The following AGAP1 variants were observed in gnomAD, a reference collection of about 807,000 sequenced individuals.
AGAP1 encodes ArfGAP with GTPase domain, ankyrin repeat and PH domain 1.
In AGAP1, 29 loss-of-function variants were observed where a neutral mutation model predicts 105.3. That is an observed-to-expected ratio of 0.28 (90% CI 0.21 to 0.38). The LOEUF is 0.38. Among genes scored for constraint, AGAP1 ranks in the 10% least tolerant of loss-of-function variants. The probability of loss-of-function intolerance (pLI) is 1.00; values close to 1 mark genes in which losing one functional copy is unlikely to be tolerated. For synonymous variants in AGAP1, 509 were observed against 485.9 expected (o/e 1.05, Z -0.63); for missense variants, 998 against 1,165.1 (o/e 0.86, Z 2.09).
At chr2:235,703,678 A>C (rs1206750403) in intron 1 of AGAP1, among the ~76,000 whole-genome samples, 1 of 150,484 alleles carries the variant, frequency 6.6e-6, no homozygotes, top group Non-Finnish European at 1.5e-5. Context: ...GGCTTACCAC[A>C]ACCTCCGCCT....
chr2:235,520,361 A>G (rs1254684895), intron 1 of AGAP1, among the ~76,000 whole-genome samples: 1 of 152,164 alleles, frequency 6.6e-6, no homozygotes, highest in Non-Finnish European at 1.5e-5. Flanking sequence ...AACTCCTCCA[A>G]TGAGTAGGTT....
In AGAP1 at chr2:235,620,271, C is replaced by T. The variant is rs1202495249; in HGVS notation, c.164-88908C>T. On this transcript the variant is annotated intron_variant, in intron 1 of 17. Transcript: ENST00000304032. The surrounding 1 kb of genome is among the most constrained non-coding windows in gnomAD (Gnocchi z 4.5). ...TTAGCACCCTGGTCCCGGGCAGCAGCGTTGCTTGGCGGATTACTGCTCACC... is the reference window on the plus strand; with the variant it reads ...TTAGCACCCTGGTCCCGGGCAGCAGTGTTGCTTGGCGGATTACTGCTCACC... Among the ~76,000 whole-genome samples the T allele has an allele frequency of 6.6e-6, 1 of 152,192 alleles. No homozygotes were observed. The highest frequency in any genetic ancestry group is 2.4e-5 in the African/African-American group (1 of 41,456).
intron 1 of AGAP1, among the ~76,000 whole-genome samples, chr2:235,591,079 G>A (rs975666607): frequency 1.3e-5 from 2 of 151,918 alleles, no homozygotes; most frequent in South Asian, 2.1e-4. Context: ...GCAGTGGGGC[G>A]ATCTCGGTTC....
rs1951338855 is a variant in AGAP1, at chr2:235,720,709, TAGTGCGTG to T, written c.310+3069_310+3076del. ...CTGTGCCCTGTTCTTCTGATTTAAT[TAGTGCGTG>T]AGTATCCTTTATGTCATAATCCTGA... On this transcript the variant is annotated intron_variant, in intron 3 of 17. Transcript: ENST00000304032. This position sits in a 1 kb window ranked among gnomAD's most constrained non-coding sequence, Gnocchi z 5.0. 2 of 985,144 alleles carry T rather than the reference TAGTGCGTG, an allele frequency of 2.0e-6. No homozygotes were observed. Among genetic ancestry groups the T allele is most frequent in the African/African-American group, 1.7e-5 (1 of 57,236 alleles). 61.0% of individuals were successfully genotyped at this position (985,144 alleles called of 1,614,324 possible).
rs560541487 is a variant in AGAP1 at position 235,960,595 on chromosome 2, G to A, written c.1484-7867G>A. 2.6e-5 allele frequency among the ~76,000 whole-genome samples: 4 copies of A among 152,268 alleles called. No homozygotes were observed. Among genetic ancestry groups the A allele is most frequent in the African/African-American group, 4.8e-5 (2 of 41,542 alleles). ...CTATCGGCGTGCTTACTGGAGATGC[G>A]ATTCCCCTCTTCCTTCTTTGTTCAG... On this transcript the variant is annotated intron_variant, in intron 12 of 17. Transcript: ENST00000304032. The surrounding 1 kb of genome is among the most constrained non-coding windows in gnomAD (Gnocchi z 4.9).
At chr2:235,972,332 T>C (rs1177010665) in intron 13 of AGAP1, among the ~76,000 whole-genome samples, 2 of 152,184 alleles carry the variant, frequency 1.3e-5, no homozygotes, top group East Asian at 1.9e-4. Context: ...TAGAATTCCA[T>C]TGAAGTAAGC....
Position 236,005,816 on chromosome 2 carries a change from G to A in AGAP1, c.1646-30745G>A, listed in dbSNP as rs945861289. Reference sequence around the variant, plus strand: ...GCTATTTCCATCCTATCCTGTCAAGGGTATATACCATCAACTTTATTTATG... The same window carrying A: ...GCTATTTCCATCCTATCCTGTCAAGAGTATATACCATCAACTTTATTTATG... On this transcript the variant is annotated intron_variant, in intron 13 of 17. Transcript: ENST00000304032. This position sits in a 1 kb window ranked among gnomAD's most constrained non-coding sequence, Gnocchi z 4.1. Among the ~76,000 whole-genome samples, 2 of 152,110 alleles carry A rather than the reference G, an allele frequency of 1.3e-5. No individual in the cohort carries two copies. The highest frequency in any genetic ancestry group is 6.5e-5 in the Admixed American group (1 of 15,272).
intron 1 of AGAP1, among the ~76,000 whole-genome samples, chr2:235,686,640 TATATAG>T (rs1244723400): frequency 0.049 from 2,343 of 48,274 alleles, 87 homozygotes; most frequent in Non-Finnish European, 0.063. Flanking sequence ...TATATATATA[TATATAG>T]ATATATATAT....
chr2:235,656,642 A>G (rs1947783158), intron 1 of AGAP1, among the ~76,000 whole-genome samples: 1 of 152,158 alleles, frequency 6.6e-6, no homozygotes, highest in Non-Finnish European at 1.5e-5. Context: ...CCTAGCCAAC[A>G]GGGGAACGAC....
rs957296460 is a variant in AGAP1, at chr2:235,704,942, C to T, written c.164-4237C>T. ...GAAGGATCATTACTATCACCAACGT[C>T]GATTGTAAAATACAAGATGCTTTTT... On this transcript the variant is annotated intron_variant, in intron 1 of 17. Coordinates refer to ENST00000304032, the MANE Select transcript of AGAP1 (RefSeq NM_001037131.3). Among the ~76,000 whole-genome samples, 10 of 139,956 alleles carry T rather than the reference C, an allele frequency of 7.1e-5. No individual in the cohort carries two copies. In the South Asian group the frequency reaches 1.4e-3, roughly 20 times the overall value. 91.8% of individuals were successfully genotyped at this position (139,956 alleles called of 152,430 possible).
chr2:235,573,637 A>G (rs1459869583), intron 1 of AGAP1, among the ~76,000 whole-genome samples: 1 of 152,246 alleles, frequency 6.6e-6, no homozygotes, highest in African/African-American at 2.4e-5. Context: ...AGCGTATGGA[A>G]GAAAGTGTGG....
rs1484188314 is a variant in AGAP1 at position 235,970,151 on chromosome 2, G to A, written c.1645+1528G>A. Among the ~76,000 whole-genome samples the A allele has an allele frequency of 6.7e-6, 1 of 148,602 alleles. No individual in the cohort carries two copies. Among genetic ancestry groups the A allele is most frequent in the East Asian group, 2.0e-4 (1 of 5,032 alleles). On this transcript the variant is annotated intron_variant, in intron 13 of 17. Coordinates refer to ENST00000304032, the MANE Select transcript of AGAP1 (RefSeq NM_001037131.3). This position sits in a 1 kb window ranked among gnomAD's most constrained non-coding sequence, Gnocchi z 5.4. ...CAGGAGGTGGAGGTTGCAGTGAACC[G>A]AGACCATGCCACTGCACTCCAGCCT... is the stretch of plus-strand genomic sequence containing the variant.
Position 236,126,391 on chromosome 2 carries a change from G to A in AGAP1, c.*2269G>A, listed in dbSNP as rs1413453809. On this transcript the variant is annotated 3_prime_UTR_variant, in exon 18 of 18. Coordinates refer to ENST00000304032, the MANE Select transcript of AGAP1 (RefSeq NM_001037131.3). ...TAGTGGACACAGATATAGCATAAAT[G>A]AAATTGTTAAATTATTTCATTGTAG... 6.6e-6 allele frequency: 1 copy of A among 152,162 alleles called. No homozygotes were observed. Among genetic ancestry groups the A allele is most frequent in the Non-Finnish European group, 1.5e-5 (1 of 68,038 alleles). The allele number at this position is 152,162 out of a possible 1,614,324, so 9.4% of individuals were successfully genotyped here.
intron 9 of AGAP1, among the ~76,000 whole-genome samples, chr2:235,848,225 T>C (rs1961740925): frequency 6.6e-6 from 1 of 152,218 alleles, no homozygotes; most frequent in South Asian, 2.1e-4. Context: ...CATGGTCCTA[T>C]CTTGGCCTAG....
chr2:235,546,626 A>G (rs1943629352), intron 1 of AGAP1, among the ~76,000 whole-genome samples: 2 of 151,824 alleles, frequency 1.3e-5, no homozygotes, highest in Non-Finnish European at 2.9e-5. Context: ...GAGTGTGGGG[A>G]CGTGGCTGGC....
rs1955211506 is a variant in AGAP1 at position 235,769,070 on chromosome 2, T to C, written c.673+18582T>C. Reference sequence around the variant, plus strand: ...ATGAGTGAAAATTATTCAACTGGATTAGAAATTGCCAGCCTTGGATCCTTT... The same window carrying C: ...ATGAGTGAAAATTATTCAACTGGATCAGAAATTGCCAGCCTTGGATCCTTT... On this transcript the variant is annotated intron_variant, in intron 6 of 17. Transcript: ENST00000304032. This position sits in a 1 kb window ranked among gnomAD's most constrained non-coding sequence, Gnocchi z 4.4. Among the ~76,000 whole-genome samples the C allele has an allele frequency of 6.6e-6, 1 of 152,238 alleles. No homozygotes were observed. Among genetic ancestry groups the C allele is most frequent in the African/African-American group, 2.4e-5 (1 of 41,462 alleles).
At chr2:236,091,351 A>T (rs1259495185) in intron 16 of AGAP1, among the ~76,000 whole-genome samples, 2 of 152,206 alleles carry the variant, frequency 1.3e-5, no homozygotes, top group African/African-American at 4.8e-5. Context: ...ATTTGGTTTT[A>T]TCAAATACTG....
rs746826800 is a variant in AGAP1, at chr2:236,120,248, C to G, written c.2171C>G (p.Pro724Arg). 1.2e-6 allele frequency: 2 copies of G among 1,613,346 alleles called. No individual in the cohort carries two copies. The highest frequency in any genetic ancestry group is 2.2e-5 in the South Asian group (2 of 91,026). The change falls in exon 17 of 18, where the codon CCG becomes CGG. Residue 724 changes from proline to arginine, a missense_variant. Coordinates refer to ENST00000304032, the MANE Select transcript of AGAP1 (RefSeq NM_001037131.3). This position sits in a 1 kb window ranked among gnomAD's most constrained non-coding sequence, Gnocchi z 6.0. ...AKYEQKLFLA[P>R]LPCTELSLGQ... The stretch of plus-strand genomic sequence containing the variant: ...TACGAGCAGAAGCTCTTCCTGGCCC[C>G]GCTGCCCTGCACGGAGCTGTCCCTG...
intron 9 of AGAP1, among the ~76,000 whole-genome samples, chr2:235,880,039 G>A (rs2049931613): frequency 6.7e-6 from 1 of 149,006 alleles, no homozygotes; most frequent in African/African-American, 2.5e-5. Flanking sequence ...GAGCCCAAGA[G>A]TTCAAGGCCA....
Sources: gnomAD v4.1 joint callset for allele counts (sites outside exome capture counted in the v4.1 genomes callset) on GRCh38, gnomAD v4.1.1 for gene constraint, Gnocchi (gnomAD v3.1) non-coding constraint, MANE v1.5 for transcripts, NCBI Gene and HGNC (gene_info 2026-07-23, HGNC 2026-07-21) for gene names.